STARD13: variants seen among roughly 807,000 people sequenced by gnomAD.
STARD13 encodes stAR-related lipid transfer protein 13.
STARD13 carries 62 observed loss-of-function variants against 106.4 expected under a neutral mutation model. The ratio of observed to expected loss-of-function variants is 0.58; its 90% confidence interval spans 0.48 to 0.72. STARD13 has a LOEUF of 0.72. Among genes scored for constraint, STARD13 ranks in the 30% least tolerant of loss-of-function variants. The probability of loss-of-function intolerance (pLI) is 0.00; values close to 1 mark genes in which losing one functional copy is unlikely to be tolerated. For missense variants in STARD13, 1,387 were observed against 1,424.0 expected (o/e 0.97, Z 0.42); for synonymous variants, 565 against 553.0 (o/e 1.02, Z -0.31).
chr13:33,121,879 C>G (rs974690825), intron 7 of STARD13, among the ~76,000 whole-genome samples: 1 of 151,104 alleles, frequency 6.6e-6, no homozygotes, highest in African/African-American at 2.4e-5. Flanking sequence ...AAGTCTCGCT[C>G]TTATCCCCCA....
At chr13:33,136,009 C>T (rs184563195) in intron 4 of STARD13, among the ~76,000 whole-genome samples, 193 of 152,126 alleles carry the variant, frequency 1.3e-3, no homozygotes, top group Non-Finnish European at 5.0e-4. Context: ...GTAGTCACAG[C>T]TACTCGGGAG....
chr13:33,305,927 A>C (rs998896832), intron 1 of STARD13, among the ~76,000 whole-genome samples: 2 of 152,236 alleles, frequency 1.3e-5, no homozygotes, highest in African/African-American at 4.8e-5. Context: ...ATTCAATGCT[A>C]TTCCCATTAA....
chr13:33,456,259 G>A, the STARD13 span, among the ~76,000 whole-genome samples: 3 of 152,016 alleles, frequency 2.0e-5, no homozygotes, highest in Admixed American at 1.3e-4. Context: ...GCATGATCTC[G>A]GCTTACTGCA....
the STARD13 span, among the ~76,000 whole-genome samples, chr13:33,440,364 C>T: frequency 3.3e-5 from 5 of 152,142 alleles, no homozygotes; most frequent in East Asian, 5.8e-4. Flanking sequence ...GCTCCAGGGC[C>T]CTGGTGCCAC....
chr13:33,314,790 C>T (rs1893267355), intron 1 of STARD13, among the ~76,000 whole-genome samples: 1 of 152,194 alleles, frequency 6.6e-6, no homozygotes, highest in Non-Finnish European at 1.5e-5. Context: ...TTCCCCAGTA[C>T]TAGCTTGCAT....
Position 33,274,881 on chromosome 13 carries a change from C to T in STARD13, c.169+10589G>A, listed in dbSNP as rs189110243. 7.2e-5 allele frequency among the ~76,000 whole-genome samples: 11 copies of T among 152,252 alleles called. No homozygotes were observed. In the East Asian group the frequency reaches 1.7e-3, roughly 24 times the overall value. On this transcript the variant is annotated intron_variant, in intron 1 of 13. Coordinates refer to ENST00000336934, the MANE Select transcript of STARD13 (RefSeq NM_178006.4). ...GTTTGCCTCAGACTTCATTCCCACCCGCTTACCCCCACCAAGAACCTCCCG... is the reference window on the plus strand; with the variant it reads ...GTTTGCCTCAGACTTCATTCCCACCTGCTTACCCCCACCAAGAACCTCCCG...
At chr13:33,350,550 T>G in exon 1 of STARD13, 3 of 1,430,764 alleles carry the variant, frequency 2.1e-6, no homozygotes, top group Non-Finnish European at 1.8e-6. Flanking sequence ...GGGCGCGACA[T>G]GGGTCGGTCC....
chr13:33,288,280 T>C (rs1892151322), upstream of STARD13, among the ~76,000 whole-genome samples: 1 of 152,134 alleles, frequency 6.6e-6, no homozygotes, highest in South Asian at 2.1e-4. Context: ...AATTTATTTA[T>C]TTATTTTTAA....
At chr13:33,334,702 G>T (rs2077874596) in intron 1 of STARD13, among the ~76,000 whole-genome samples, 1 of 152,132 alleles carries the variant, frequency 6.6e-6, no homozygotes, top group Non-Finnish European at 1.5e-5. Flanking sequence ...GAGAGATAAA[G>T]GTATCTGACC....
the STARD13 span, among the ~76,000 whole-genome samples, chr13:33,591,855 G>T: frequency 1.3e-5 from 2 of 152,116 alleles, no homozygotes; most frequent in African/African-American, 4.8e-5. Flanking sequence ...TTTAAGCTTT[G>T]ACCTACTCAA....
the STARD13 span, among the ~76,000 whole-genome samples, chr13:33,423,199 C>A: frequency 6.6e-6 from 1 of 152,160 alleles, no homozygotes; most frequent in Admixed American, 6.6e-5. Context: ...ATCCATCTGA[C>A]AAAGAGCTAA....
chr13:33,278,405 C>T (rs1891568332), intron 1 of STARD13: 1 of 152,324 alleles, frequency 6.6e-6, no homozygotes, highest in Middle Eastern at 3.4e-3. Flanking sequence ...AGACTGCATA[C>T]CTGACCTCTC....
chr13:33,397,923 C>T, the STARD13 span, among the ~76,000 whole-genome samples: 2 of 152,162 alleles, frequency 1.3e-5, no homozygotes, highest in African/African-American at 2.4e-5. Context: ...GAGCTCTGCC[C>T]CCATGAGCTA....
chr13:33,160,664 G>A (rs1368574822), intron 3 of STARD13, among the ~76,000 whole-genome samples: 1 of 152,120 alleles, frequency 6.6e-6, no homozygotes, highest in Admixed American at 6.5e-5. Context: ...CGTATGGATG[G>A]TAAATAAGCA....
At chr13:33,296,809 G>A (rs1303064078) in intron 1 of STARD13, among the ~76,000 whole-genome samples, 3 of 152,048 alleles carry the variant, frequency 2.0e-5, no homozygotes, top group African/African-American at 7.2e-5. Flanking sequence ...AGTAGAGACA[G>A]GGTTTCACCA....
chr13:33,311,224 G>C (rs1291489196), intron 1 of STARD13, among the ~76,000 whole-genome samples: 1 of 151,970 alleles, frequency 6.6e-6, no homozygotes, highest in Non-Finnish European at 1.5e-5. Flanking sequence ...TTGAGCCAGA[G>C]AGGTCAAGGC....
chr13:33,606,818 T>C, the STARD13 span, among the ~76,000 whole-genome samples: 1 of 152,224 alleles, frequency 6.6e-6, no homozygotes, highest in Non-Finnish European at 1.5e-5. Flanking sequence ...TTCTGGAGGC[T>C]CCGGGGAGAA....
the STARD13 span, among the ~76,000 whole-genome samples, chr13:33,358,723 C>T: frequency 5.9e-5 from 9 of 152,238 alleles, no homozygotes; most frequent in Admixed American, 4.6e-4. Flanking sequence ...GTGCACCAAT[C>T]GACACTCTGT....
chr13:33,485,191 G>A, the STARD13 span, among the ~76,000 whole-genome samples: 484 of 152,270 alleles, frequency 3.2e-3, no homozygotes, highest in African/African-American at 0.011. Flanking sequence ...CTTGAATGAA[G>A]TGAATGTCAA....
Sources: allele counts gnomAD v4.1 joint callset (sites outside exome capture counted in the v4.1 genomes callset), GRCh38; gene constraint gnomAD v4.1.1; transcripts MANE v1.5; gene names NCBI Gene and HGNC (gene_info 2026-07-23, HGNC 2026-07-21).